Variants in NAALADL2 observed in about 807,000 individuals in gnomAD.
The protein encoded by NAALADL2 is N-acetylated alpha-linked acidic dipeptidase like 2, also known as inactive N-acetylated-alpha-linked acidic dipeptidase-like protein 2.
NAALADL2 carries 76 observed loss-of-function variants against 87.2 expected under a neutral mutation model. The observed-to-expected ratio is 0.87, with a 90% CI of 0.72 to 1.05. The LOEUF is 1.05. Ranked by LOEUF, NAALADL2 falls within the 50% of genes least tolerant of loss-of-function variation. The pLI is 0.00. For synonymous variants in NAALADL2, 354 were observed against 331.0 expected, an observed-to-expected ratio of 1.07 and a Z score of -0.75; for missense variants, 1,089 against 945.8, an observed-to-expected ratio of 1.15 and a Z score of -1.99.
At chr3:175,789,795 A>ATTACT (rs1442728222) in intron 13 of NAALADL2, among the ~76,000 whole-genome samples, 4 of 152,342 alleles carry the variant, frequency 2.6e-5, no homozygotes, top group East Asian at 3.8e-4. Context: ...AATAAAGTCA[A>ATTACT]TTACTTTAAA....
chr3:175,518,590 C>A (rs77763532), intron 9 of NAALADL2, among the ~76,000 whole-genome samples: 1 of 152,188 alleles, frequency 6.6e-6, no homozygotes, highest in African/African-American at 2.4e-5. Flanking sequence ...CAAGAGCCTT[C>A]CTGCTGATGG....
rs1367876142 is a variant in NAALADL2 at position 175,783,662 on chromosome 3, A to G, written c.2190-19343A>G. On this transcript the variant is annotated intron_variant, in intron 13 of 13. Transcript: ENST00000454872. ...GTTGTCTGCAAACAGGGACAATTTG[A>G]CTTCCTCTTTTCCTAATTGAATACC... Among the ~76,000 whole-genome samples, 4 of 151,962 alleles carry G rather than the reference A, an allele frequency of 2.6e-5. No homozygotes were observed. In the East Asian group the frequency reaches 7.7e-4, roughly 29 times the overall value.
intron 2 of NAALADL2, among the ~76,000 whole-genome samples, chr3:174,714,116 C>T (rs1198121841): frequency 1.2e-4 from 18 of 152,054 alleles, no homozygotes; most frequent in South Asian, 2.1e-4. Flanking sequence ...GTTGTAGATA[C>T]GTGGCATTAT....
At chr3:175,541,960 C>T (rs1475466870) in intron 9 of NAALADL2, among the ~76,000 whole-genome samples, 1 of 152,110 alleles carries the variant, frequency 6.6e-6, no homozygotes, top group Non-Finnish European at 1.5e-5. Context: ...TTCAAGTGAT[C>T]CACCTGCCTC....
rs1725444483 is a variant in NAALADL2, at chr3:175,617,067, G to A, written c.1801-10224G>A. ...TAAAATATCCCCACCTAGCAGAGGA[G>A]TTGGGCTTTCAAACATGATTAAAAA... is the stretch of plus-strand genomic sequence containing the variant. On this transcript the variant is annotated intron_variant, in intron 10 of 13. Coordinates refer to ENST00000454872, the MANE Select transcript of NAALADL2 (RefSeq NM_207015.3). Among the ~76,000 whole-genome samples the A allele has an allele frequency of 2.6e-5, 4 of 152,274 alleles. No homozygotes were observed. In the South Asian group the frequency reaches 8.3e-4, roughly 32 times the overall value.
At chr3:175,210,242 G>GAT (rs1741570306) in intron 2 of NAALADL2, among the ~76,000 whole-genome samples, 1 of 151,570 alleles carries the variant, frequency 6.6e-6, no homozygotes, top group Non-Finnish European at 1.5e-5. Flanking sequence ...AAAATGAAAG[G>GAT]ATATATATAA....
rs910721493 is a variant in NAALADL2 at position 175,412,970 on chromosome 3, G to A, written c.1091-34259G>A. Among the ~76,000 whole-genome samples, 9 of 147,900 alleles carry A rather than the reference G, an allele frequency of 6.1e-5. No individual in the cohort carries two copies. In the Admixed American group the frequency reaches 6.1e-4, roughly 10 times the overall value. Reference sequence around the variant, plus strand: ...CCCTCTGTCTGTCGCCTAGGCTGGAGTGCAGTGGCGCAATCTGGGCTCACC... The same window carrying A: ...CCCTCTGTCTGTCGCCTAGGCTGGAATGCAGTGGCGCAATCTGGGCTCACC... On this transcript the variant is annotated intron_variant, in intron 5 of 13. Transcript: ENST00000454872.
At chr3:175,394,867 T>C (rs1243556509) in intron 5 of NAALADL2, among the ~76,000 whole-genome samples, 6 of 152,216 alleles carry the variant, frequency 3.9e-5, no homozygotes, top group African/African-American at 1.4e-4. Context: ...CACAATTTTT[T>C]TCCCTTCTCA....
chr3:174,657,823 T>A (rs9867679), intron 2 of NAALADL2, among the ~76,000 whole-genome samples: 12,959 of 152,220 alleles, frequency 0.085, 1,893 homozygotes, highest in African/African-American at 0.3. Context: ...ACTACTCATC[T>A]TTTTACAGAC....
chr3:175,469,448 T>A (rs1019873452), intron 8 of NAALADL2, among the ~76,000 whole-genome samples: 35 of 152,156 alleles, frequency 2.3e-4, no homozygotes, highest in African/African-American at 8.4e-4. Flanking sequence ...TAATTTTGCT[T>A]GCATAGAAAA....
chr3:175,585,170 T>A (rs10936854), intron 10 of NAALADL2, among the ~76,000 whole-genome samples: 39,662 of 151,348 alleles, frequency 0.26, 6,930 homozygotes, highest in African/African-American at 0.5. Context: ...CTTTAAAAAA[T>A]TTTTTTTGTT....
chr3:174,989,984 A>T (rs767561784), intron 1 of NAALADL2, among the ~76,000 whole-genome samples: 11 of 152,184 alleles, frequency 7.2e-5, no homozygotes, highest in Non-Finnish European at 1.3e-4. Flanking sequence ...CTTCATAAGT[A>T]GCATTGGTTA....
intron 1 of NAALADL2, among the ~76,000 whole-genome samples, chr3:175,046,885 C>G (rs1247788319): frequency 6.6e-6 from 1 of 152,084 alleles, no homozygotes; most frequent in African/African-American, 2.4e-5. Flanking sequence ...TTACACAATA[C>G]CATAGAGTGA....
chr3:174,728,227 C>T (rs1383542350), intron 2 of NAALADL2, among the ~76,000 whole-genome samples: 2 of 152,002 alleles, frequency 1.3e-5, no homozygotes, highest in African/African-American at 4.8e-5. Context: ...CCTTTGGATA[C>T]ATACCAAGGA....
In NAALADL2 at chr3:174,996,934, C is replaced by T. The variant is rs1053464866; in HGVS notation, c.44-99856C>T. Reference sequence around the variant, plus strand: ...TACTTAGAATAATGGCCTCCATCTCCATCTAAGTTGCTCAAAAAGACATTT... The same window carrying T: ...TACTTAGAATAATGGCCTCCATCTCTATCTAAGTTGCTCAAAAAGACATTT... On this transcript the variant is annotated intron_variant, in intron 1 of 13. Transcript: ENST00000454872. Among the ~76,000 whole-genome samples, 3 of 150,500 alleles carry T rather than the reference C, an allele frequency of 2.0e-5. No individual in the cohort carries two copies. In the East Asian group the frequency reaches 5.9e-4, roughly 29 times the overall value.
intron 11 of NAALADL2, among the ~76,000 whole-genome samples, chr3:175,707,160 G>A (rs189429965): frequency 6.6e-6 from 1 of 152,112 alleles, no homozygotes; most frequent in Admixed American, 6.6e-5. Flanking sequence ...ATGTTGTTCT[G>A]GACCAGGGCA....
At chr3:174,911,093 C>A (rs1002421941) in intron 1 of NAALADL2, among the ~76,000 whole-genome samples, 2 of 152,066 alleles carry the variant, frequency 1.3e-5, no homozygotes, top group Non-Finnish European at 2.9e-5. Context: ...TTGCCATCCC[C>A]CAAAAGTCCT....
At chr3:174,976,033 T>C (rs1464618118) in intron 1 of NAALADL2, among the ~76,000 whole-genome samples, 2 of 152,224 alleles carry the variant, frequency 1.3e-5, no homozygotes, top group Non-Finnish European at 2.9e-5. Context: ...TCTGTGGTAA[T>C]GTGTTATGCA....
chr3:175,590,137 G>A (rs1253990941), intron 10 of NAALADL2, among the ~76,000 whole-genome samples: 1 of 149,692 alleles, frequency 6.7e-6, no homozygotes, highest in East Asian at 2.0e-4. Context: ...GTGTGAACCC[G>A]GGAGGTGGAG....
Sources: gnomAD v4.1 joint callset for allele counts (sites outside exome capture counted in the v4.1 genomes callset) on GRCh38, gnomAD v4.1.1 for gene constraint, MANE v1.5 for transcripts, NCBI Gene and HGNC (gene_info 2026-07-23, HGNC 2026-07-21) for gene names.